The following NIPBL variants were observed in gnomAD, a reference collection of about 807,000 sequenced individuals.
NIPBL encodes the protein NIPBL cohesin loading factor.
NIPBL carries 19 observed loss-of-function variants against 321.8 expected under a neutral mutation model. The observed-to-expected ratio is 0.06, with a 90% CI of 0.04 to 0.09. The LOEUF is 0.09. NIPBL is among the 10% of genes least tolerant of loss of function. The pLI, the probability that NIPBL is intolerant of heterozygous loss-of-function variation, is 1.00. For missense variants in NIPBL, 2,210 were observed against 3,327.0 expected (o/e 0.66, Z 8.26); for synonymous variants, 1,106 against 1,114.1 (o/e 0.99, Z 0.14).
chr5:37,045,980 A>G lies in NIPBL; in HGVS notation c.6499-129A>G, dbSNP rs1005379515. 6.3e-6 allele frequency: 4 copies of G among 632,566 alleles called. 1 individual carries two copies. Among genetic ancestry groups the G allele is most frequent in the South Asian group, 5.7e-5 (3 of 52,560 alleles). The allele number at this position is 632,566 out of a possible 1,614,324, so 39.2% of individuals were successfully genotyped here. On this transcript the variant is annotated intron_variant, in intron 37 of 46. Coordinates refer to ENST00000282516, the MANE Select transcript of NIPBL (RefSeq NM_133433.4). The stretch of plus-strand genomic sequence containing the variant: ...ATGCCACTGTTCTAAAATAAATGGA[A>G]TTGGTTACTTATTTTTTTAATAAAG...
chr5:36,980,325 G>A (rs763116477), intron 9 of NIPBL, among the ~76,000 whole-genome samples: 2 of 151,582 alleles, frequency 1.3e-5, no homozygotes, highest in Non-Finnish European at 3.0e-5. Context: ...ACAGGTATGC[G>A]GTGATAACCT....
chr5:36,947,227 T>C (rs762343058), intron 1 of NIPBL, among the ~76,000 whole-genome samples: 1 of 152,072 alleles, frequency 6.6e-6, no homozygotes, highest in Non-Finnish European at 1.5e-5. Flanking sequence ...TCCATAACTA[T>C]AGCTATAGTT....
At chr5:37,044,770 C>A in intron 36 of NIPBL, 41 bp downstream of exon 36, 1 of 1,386,236 alleles carries the variant, frequency 7.2e-7, no homozygotes, top group Non-Finnish European at 1.0e-6. Flanking sequence ...TCTGCTAGGT[C>A]CTGCAGGGGG....
intron 1 of NIPBL, among the ~76,000 whole-genome samples, chr5:36,892,562 G>A (rs1283203637): frequency 2.0e-5 from 3 of 152,104 alleles, no homozygotes; most frequent in African/African-American, 4.8e-5. Context: ...CGATAGACTG[G>A]ATTAAGAAAA....
chr5:36,927,767 C>T (rs1749476442), intron 1 of NIPBL, among the ~76,000 whole-genome samples: 1 of 152,086 alleles, frequency 6.6e-6, no homozygotes. Flanking sequence ...TTGGATATAC[C>T]AGTCTGGAGT....
intron 32 of NIPBL, among the ~76,000 whole-genome samples, chr5:37,030,005 A>T (rs1750776999): frequency 6.6e-6 from 1 of 152,196 alleles, no homozygotes; most frequent in African/African-American, 2.4e-5. Flanking sequence ...GCTCTAAATC[A>T]TATATTTCAT....
At chr5:36,982,545 A>C (rs905209442) in intron 9 of NIPBL, among the ~76,000 whole-genome samples, 1 of 151,822 alleles carries the variant, frequency 6.6e-6, no homozygotes, top group Admixed American at 6.6e-5. Context: ...ACTGAAAAAC[A>C]ATGGTAAGAT....
intron 7 of NIPBL, 120 bp downstream of exon 7, chr5:36,971,156 A>G (rs950385121): frequency 8.6e-6 from 7 of 811,858 alleles, no homozygotes; most frequent in Non-Finnish European, 1.5e-5. Context: ...GGTACTGAGT[A>G]CAACATGGCT....
intron 29 of NIPBL, among the ~76,000 whole-genome samples, chr5:37,024,363 T>A (rs1750019708): frequency 6.6e-6 from 1 of 152,224 alleles, no homozygotes; most frequent in Non-Finnish European, 1.5e-5. Context: ...GGCTTAACTA[T>A]AAAATATGTT....
rs1482956760 is a variant in NIPBL, at chr5:36,908,956, C to T, written c.-80+31778C>T. Among the ~76,000 whole-genome samples, 5 of 152,242 alleles carry T rather than the reference C, an allele frequency of 3.3e-5. No homozygotes were observed. In the South Asian group the frequency reaches 1.0e-3, roughly 32 times the overall value. ...TACAGAGCTATTATTTTATGTATAT[C>T]CTTGTCTGAAATGATTTGTCTCCAC... On this transcript the variant is annotated intron_variant, in intron 1 of 46. Coordinates refer to ENST00000282516, the MANE Select transcript of NIPBL (RefSeq NM_133433.4).
chr5:37,057,064 C>T, intron 42 of NIPBL, 122 bp from the exon 43 acceptor site: 1 of 903,518 alleles, frequency 1.1e-6, no homozygotes. Context: ...CCGTGTGTGT[C>T]TGCTTATCTC....
At chr5:36,979,880 G>T (rs1327078953) in intron 9 of NIPBL, among the ~76,000 whole-genome samples, 1 of 151,656 alleles carries the variant, frequency 6.6e-6, no homozygotes, top group African/African-American at 2.4e-5. Context: ...CCCTGACCAA[G>T]AAATATTAGT....
intron 6 of NIPBL, among the ~76,000 whole-genome samples, chr5:36,967,050 T>G (rs180679599): frequency 3.2e-4 from 48 of 152,102 alleles, no homozygotes; most frequent in Non-Finnish European, 6.2e-4. Flanking sequence ...TATGCAACAT[T>G]TATTATAAAC....
intron 28 of NIPBL, 35 bp from the exon 29 acceptor site, chr5:37,022,209 G>A (rs957400985): frequency 1.2e-6 from 2 of 1,613,166 alleles, no homozygotes; most frequent in East Asian, 4.5e-5. Context: ...CTCTATTTAG[G>A]TATAAATTGT....
intron 11 of NIPBL, among the ~76,000 whole-genome samples, chr5:36,998,867 A>G (rs1746453774): frequency 6.6e-6 from 1 of 152,200 alleles, no homozygotes; most frequent in Admixed American, 6.6e-5. Context: ...TAAAAGAGGA[A>G]CAGTCCTATC....
intron 46 of NIPBL, 146 bp downstream of exon 46, chr5:37,064,124 AC>A (rs1370575371): frequency 1.4e-6 from 2 of 1,442,372 alleles, no homozygotes; most frequent in Non-Finnish European, 1.8e-6. Flanking sequence ...TTCTCTACTT[AC>A]CCGTTTATAC....
At chr5:36,905,851 C>A (rs1032243110) in intron 1 of NIPBL, among the ~76,000 whole-genome samples, 1 of 152,038 alleles carries the variant, frequency 6.6e-6, no homozygotes, top group Non-Finnish European at 1.5e-5. Context: ...TCACGCCATT[C>A]TCCTGCCTCA....
chr5:36,924,852 T>G (rs998303394), intron 1 of NIPBL, among the ~76,000 whole-genome samples: 1 of 152,234 alleles, frequency 6.6e-6, no homozygotes, highest in Admixed American at 6.5e-5. Context: ...TGCTTTTATT[T>G]TCTATAATAA....
chr5:36,906,324 A>G (rs537983261), intron 1 of NIPBL, among the ~76,000 whole-genome samples: 1 of 152,312 alleles, frequency 6.6e-6, no homozygotes, highest in South Asian at 2.1e-4. Context: ...AAATAGTGAC[A>G]GTGATACGAA....
Sources: gnomAD v4.1 joint callset for allele counts (sites outside exome capture counted in the v4.1 genomes callset) on GRCh38, gnomAD v4.1.1 for gene constraint, MANE v1.5 for transcripts, NCBI Gene and HGNC (gene_info 2026-07-23, HGNC 2026-07-21) for gene names.